Variants in CDKAL1 observed in about 807,000 individuals in gnomAD.
CDKAL1 encodes the protein CDKAL1 threonylcarbamoyladenosine tRNA methylthiotransferase, also known as threonylcarbamoyladenosine tRNA methylthiotransferase.
Under a neutral mutation model 68.2 loss-of-function variants are expected in CDKAL1, and 32 were observed. That is an observed-to-expected ratio of 0.47 (90% CI 0.35 to 0.63). The LOEUF (loss-of-function observed/expected upper bound fraction) is 0.63, where lower values mean the gene tolerates loss of function less well. CDKAL1 is among the 30% of genes least tolerant of loss of function. CDKAL1 has a pLI of 0.00. For synonymous variants in CDKAL1, 234 were observed against 244.3 expected, an observed-to-expected ratio of 0.96 and a Z score of 0.39; for missense variants, 606 against 696.7, an observed-to-expected ratio of 0.87 and a Z score of 1.47.
chr6:20,694,173 TAAACAAAC>T (rs199756184), intron 5 of CDKAL1, among the ~76,000 whole-genome samples: 2,266 of 149,634 alleles, frequency 0.015, 47 homozygotes, highest in African/African-American at 0.052. Context: ...ACTATCTTTA[TAAACAAAC>T]AAACAAACAA....
chr6:21,144,484 G>A lies in CDKAL1; in HGVS notation c.1299+36021G>A, dbSNP rs76113957. On this transcript the variant is annotated intron_variant, in intron 13 of 15. Transcript: ENST00000274695. ...ACATTTTATACTGAATCACCTGTTG[G>A]TCCTTAAAAACTGAAGATAGGCCAG... Among the ~76,000 whole-genome samples, 836 of 152,084 alleles carry A rather than the reference G, an allele frequency of 5.5e-3. 7 individuals carry two copies. Among genetic ancestry groups the A allele is most frequent in the Non-Finnish European group, 6.4e-3 (436 of 67,974 alleles).
intron 10 of CDKAL1, among the ~76,000 whole-genome samples, chr6:20,991,706 CAAAAAAAAAAAAA>C (rs35504365): frequency 1.7e-5 from 1 of 59,620 alleles, no homozygotes; most frequent in Non-Finnish European, 3.1e-5. Context: ...TATTCCCTCT[CAAAAAAAAAAAAA>C]AAAAAAAAAA....
At chr6:20,868,146 T>C (rs571999717) in intron 9 of CDKAL1, among the ~76,000 whole-genome samples, 34 of 152,262 alleles carry the variant, frequency 2.2e-4, no homozygotes, top group Non-Finnish European at 3.7e-4. Flanking sequence ...TTTGTGCATA[T>C]AAAAAGGGAA....
Position 20,817,613 on chromosome 6 carries a change from A to C in CDKAL1, c.639-28462A>C, listed in dbSNP as rs980322394. ...TGTTCACAACCTGCAGGAAGATGTC[A>C]TGTTTTTATGCTACTCATTTTTTTA... On this transcript the variant is annotated intron_variant, in intron 8 of 15. Transcript: ENST00000274695. Among the ~76,000 whole-genome samples, 91 of 152,268 alleles carry C rather than the reference A, an allele frequency of 6.0e-4. 1 individual carries two copies. The highest frequency in any genetic ancestry group is 2.6e-4 in the Non-Finnish European group (18 of 67,994).
chr6:20,545,842 TAAA>T (rs1763579144), intron 2 of CDKAL1, among the ~76,000 whole-genome samples: 1 of 152,224 alleles, frequency 6.6e-6, no homozygotes, highest in African/African-American at 2.4e-5. Context: ...TATGCATCTC[TAAA>T]AAATAAAATT....
At chr6:20,977,610 T>C (rs1765904259) in intron 10 of CDKAL1, among the ~76,000 whole-genome samples, 1 of 152,208 alleles carries the variant, frequency 6.6e-6, no homozygotes, top group African/African-American at 2.4e-5. Context: ...TGGTGCTTCA[T>C]GCCTGTCCTG....
chr6:21,010,307 G>A (rs1767942881), intron 11 of CDKAL1, among the ~76,000 whole-genome samples: 1 of 152,164 alleles, frequency 6.6e-6, no homozygotes, highest in Admixed American at 6.5e-5. Context: ...TAATGCCAGT[G>A]GTTGTTAACA....
chr6:20,661,193 A>T (rs539858222), intron 5 of CDKAL1, among the ~76,000 whole-genome samples: 1 of 152,342 alleles, frequency 6.6e-6, no homozygotes, highest in East Asian at 1.9e-4. Context: ...ATTTCTCTAA[A>T]TACATTCTTG....
intron 5 of CDKAL1, among the ~76,000 whole-genome samples, chr6:20,666,525 A>G (rs1384232665): frequency 6.6e-6 from 1 of 152,122 alleles, no homozygotes; most frequent in Non-Finnish European, 1.5e-5. Context: ...GATTATTTAT[A>G]ATGCAAAAAG....
chr6:21,073,234 A>G (rs184597338), intron 12 of CDKAL1, among the ~76,000 whole-genome samples: 95 of 152,306 alleles, frequency 6.2e-4, no homozygotes, highest in Non-Finnish European at 6.3e-4. Context: ...ACTGAAGGAC[A>G]TGTTGGTTGC....
intron 13 of CDKAL1, among the ~76,000 whole-genome samples, chr6:21,149,918 C>T (rs1029662796): frequency 3.9e-5 from 6 of 152,108 alleles, no homozygotes; most frequent in African/African-American, 4.8e-5. Flanking sequence ...AGTGCAGTGG[C>T]GCTGTCTCGG....
intron 2 of CDKAL1, among the ~76,000 whole-genome samples, chr6:20,541,380 A>G (rs976514668): frequency 5.9e-5 from 9 of 152,138 alleles, no homozygotes; most frequent in Non-Finnish European, 2.9e-5. Flanking sequence ...TTATCTTTCT[A>G]GATCTTATTA....
At chr6:21,221,237 T>C (rs748463250) in intron 15 of CDKAL1, among the ~76,000 whole-genome samples, 5 of 152,140 alleles carry the variant, frequency 3.3e-5, no homozygotes, top group Non-Finnish European at 7.4e-5. Context: ...AGAATTTTTT[T>C]CATGGAGGGG....
At chr6:20,758,941 G>A (rs74435906) in intron 7 of CDKAL1, among the ~76,000 whole-genome samples, 2 of 152,254 alleles carry the variant, frequency 1.3e-5, no homozygotes, top group South Asian at 2.1e-4. Flanking sequence ...CTGAGGCCAG[G>A]AGTTCAAGAC....
chr6:21,220,246 A>C (rs1023717393), intron 15 of CDKAL1, among the ~76,000 whole-genome samples: 1 of 152,124 alleles, frequency 6.6e-6, no homozygotes, highest in African/African-American at 2.4e-5. Context: ...ACTTGTCCAT[A>C]TATCTTAGGC....
At chr6:20,561,312 C>T (rs1764256380) in intron 4 of CDKAL1, among the ~76,000 whole-genome samples, 2 of 151,716 alleles carry the variant, frequency 1.3e-5, no homozygotes, top group South Asian at 2.1e-4. Flanking sequence ...CTTGGTGGTG[C>T]GTGCCTGTAA....
chr6:20,766,857 T>C (rs773505227), intron 7 of CDKAL1, among the ~76,000 whole-genome samples: 30 of 152,178 alleles, frequency 2.0e-4, no homozygotes, highest in Non-Finnish European at 4.0e-4. Context: ...GAATTTGTAT[T>C]ATACCTAAAT....
intron 8 of CDKAL1, among the ~76,000 whole-genome samples, chr6:20,831,866 C>A (rs1421541407): frequency 6.6e-6 from 1 of 152,080 alleles, no homozygotes; most frequent in Non-Finnish European, 1.5e-5. Flanking sequence ...GTAGAATGGT[C>A]GACGTTGAGT....
In CDKAL1 at chr6:20,642,247, C is replaced by T. The variant is rs530840177; in HGVS notation, c.287-7046C>T. Among the ~76,000 whole-genome samples the T allele has an allele frequency of 2.4e-4, 37 of 151,810 alleles. 1 individual carries two copies. Among genetic ancestry groups the T allele is most frequent in the African/African-American group, 8.7e-4 (36 of 41,386 alleles). On this transcript the variant is annotated intron_variant, in intron 4 of 15. Coordinates refer to ENST00000274695, the MANE Select transcript of CDKAL1 (RefSeq NM_017774.3). ...ATGACTCAAAACCCATCAGCAATAA[C>T]AGAAAAGAGTGACACATTTGCTATT...
Sources: allele counts gnomAD v4.1 joint callset (sites outside exome capture counted in the v4.1 genomes callset), GRCh38; gene constraint gnomAD v4.1.1; transcripts MANE v1.5; gene names NCBI Gene and HGNC (gene_info 2026-07-23, HGNC 2026-07-21).